Variants in SLC24A2 observed in about 807,000 individuals in gnomAD.
The protein encoded by SLC24A2 is solute carrier family 24 member 2, also known as sodium/potassium/calcium exchanger 2.
In SLC24A2, 36 loss-of-function variants were observed where a neutral mutation model predicts 62.0. The observed-to-expected ratio is 0.58, with a 90% CI of 0.44 to 0.77. The LOEUF (loss-of-function observed/expected upper bound fraction) is 0.77, where lower values mean the gene tolerates loss of function less well. Ranked by LOEUF, SLC24A2 falls within the 30% of genes least tolerant of loss-of-function variation. The pLI, the probability that SLC24A2 is intolerant of heterozygous loss-of-function variation, is 0.00. For synonymous variants in SLC24A2, 358 were observed against 294.0 expected, an observed-to-expected ratio of 1.22 and a Z score of -2.23; for missense variants, 846 against 817.9, an observed-to-expected ratio of 1.03 and a Z score of -0.42.
the SLC24A2 span, among the ~76,000 whole-genome samples, chr9:20,040,585 C>T: frequency 6.6e-6 from 1 of 152,322 alleles, no homozygotes; most frequent in Admixed American, 6.5e-5. Flanking sequence ...AATCTGAGTT[C>T]CCATTGGCTC....
chr9:20,289,729 G>A, the SLC24A2 span, among the ~76,000 whole-genome samples: 1 of 152,200 alleles, frequency 6.6e-6, no homozygotes, highest in South Asian at 2.1e-4. Context: ...CAAATGAATT[G>A]AACTCCCATC....
the SLC24A2 span, among the ~76,000 whole-genome samples, chr9:19,850,295 A>G: frequency 6.6e-5 from 10 of 152,092 alleles, no homozygotes; most frequent in Non-Finnish European, 8.8e-5. Context: ...AGTTCAAAGA[A>G]TTTTTCTAAT....
intron 2 of SLC24A2, among the ~76,000 whole-genome samples, chr9:19,683,874 C>A (rs774691268): frequency 1.3e-5 from 2 of 152,068 alleles, no homozygotes; most frequent in Non-Finnish European, 2.9e-5. Flanking sequence ...GGGCTCCACA[C>A]CTCTTTTTGT....
chr9:19,523,336 C>G (rs1244919797), intron 9 of SLC24A2, among the ~76,000 whole-genome samples: 4 of 152,168 alleles, frequency 2.6e-5, no homozygotes, highest in Non-Finnish European at 5.9e-5. Context: ...GAGTCTCAGT[C>G]TTTCCTATCT....
At chr9:19,527,484 T>C (rs532097826) in intron 9 of SLC24A2, among the ~76,000 whole-genome samples, 7 of 152,248 alleles carry the variant, frequency 4.6e-5, no homozygotes, top group African/African-American at 1.4e-4. Flanking sequence ...ACCACTATTA[T>C]CTTTGAAAAT....
the SLC24A2 span, among the ~76,000 whole-genome samples, chr9:19,940,473 T>C: frequency 7.2e-5 from 11 of 152,328 alleles, no homozygotes; most frequent in East Asian, 2.1e-3. Flanking sequence ...TTATTGAGTG[T>C]CAACTTCCTC....
chr9:19,948,175 C>A, the SLC24A2 span, among the ~76,000 whole-genome samples: 3 of 152,208 alleles, frequency 2.0e-5, no homozygotes, highest in African/African-American at 7.2e-5. Context: ...TAAACTACCA[C>A]AGTTCCTTGC....
chr9:19,941,328 C>G, the SLC24A2 span, among the ~76,000 whole-genome samples: 65 of 152,262 alleles, frequency 4.3e-4, no homozygotes, highest in African/African-American at 1.5e-3. Context: ...TCCAATTCAT[C>G]AGCATGTTTA....
At chr9:19,930,394 C>T in the SLC24A2 span, among the ~76,000 whole-genome samples, 2 of 152,162 alleles carry the variant, frequency 1.3e-5, no homozygotes, top group African/African-American at 4.8e-5. Context: ...AGATCTGTAG[C>T]CTAGCAGCAA....
chr9:19,801,408 C>T, the SLC24A2 span, among the ~76,000 whole-genome samples: 1 of 152,164 alleles, frequency 6.6e-6, no homozygotes, highest in Admixed American at 6.5e-5. Context: ...AAGTCAGCGG[C>T]GGGTCTGCAA....
chr9:20,080,502 T>C, the SLC24A2 span, among the ~76,000 whole-genome samples: 1 of 152,112 alleles, frequency 6.6e-6, no homozygotes, highest in African/African-American at 2.4e-5. Flanking sequence ...ACTTACATGT[T>C]AGACCTAAAA....
chr9:20,270,595 C>G, the SLC24A2 span, among the ~76,000 whole-genome samples: 1 of 152,140 alleles, frequency 6.6e-6, no homozygotes, highest in Non-Finnish European at 1.5e-5. Context: ...AAAGTGCTTT[C>G]CCTAAGGAGC....
intron 8 of SLC24A2, among the ~76,000 whole-genome samples, chr9:19,528,940 T>A (rs1833560773): frequency 6.6e-6 from 1 of 152,168 alleles, no homozygotes; most frequent in South Asian, 2.1e-4. Context: ...ATTTTTAAAG[T>A]TTCCTAGAAA....
chr9:20,164,433 G>A, the SLC24A2 span, among the ~76,000 whole-genome samples: 1 of 152,114 alleles, frequency 6.6e-6, no homozygotes, highest in Non-Finnish European at 1.5e-5. Flanking sequence ...ACCACGATGA[G>A]ATACCATCTC....
chr9:20,232,382 G>T, the SLC24A2 span, among the ~76,000 whole-genome samples: 1 of 152,148 alleles, frequency 6.6e-6, no homozygotes, highest in Non-Finnish European at 1.5e-5. Flanking sequence ...TTTTTGGTTG[G>T]TAAGCTATTG....
At chr9:19,835,697 G>A in the SLC24A2 span, among the ~76,000 whole-genome samples, 1 of 152,020 alleles carries the variant, frequency 6.6e-6, no homozygotes, top group African/African-American at 2.4e-5. Context: ...GATATCCAAT[G>A]ATTCAACTCA....
At chr9:19,622,363 G>A in intron 2 of SLC24A2, 64 bp from the exon 3 acceptor site, 3 of 1,475,560 alleles carry the variant, frequency 2.0e-6, no homozygotes, top group Non-Finnish European at 2.8e-6. Flanking sequence ...ATCACATATG[G>A]CATTTACATT....
At chr9:19,912,637 A>G in the SLC24A2 span, among the ~76,000 whole-genome samples, 1 of 152,146 alleles carries the variant, frequency 6.6e-6, no homozygotes, top group Admixed American at 6.5e-5. Flanking sequence ...CAAATTGGAT[A>G]AATAAATCAT....
intron 8 of SLC24A2, among the ~76,000 whole-genome samples, chr9:19,532,462 T>C (rs142280833): frequency 4.6e-4 from 70 of 152,312 alleles, no homozygotes; most frequent in African/African-American, 1.6e-3. Context: ...ATGTAAACAG[T>C]TGTTAAATTG....
Sources: gnomAD v4.1 joint callset for allele counts (sites outside exome capture counted in the v4.1 genomes callset) on GRCh38, gnomAD v4.1.1 for gene constraint, MANE v1.5 for transcripts, NCBI Gene and HGNC (gene_info 2026-07-23, HGNC 2026-07-21) for gene names.